Variants in WWOX observed in about 807,000 individuals in gnomAD.
WWOX encodes the protein WW domain-containing oxidoreductase.
A neutral mutation model predicts 46.2 loss-of-function variants in WWOX; 69 were observed. That is an observed-to-expected ratio of 1.49 (90% CI 1.23 to 1.82). WWOX has a LOEUF of 1.82. Among genes scored for constraint, WWOX ranks in the 40% most tolerant of loss-of-function variants. The pLI is 0.00. For missense variants in WWOX, 919 were observed against 542.6 expected (o/e 1.69, Z -6.89); for synonymous variants, 359 against 202.6 (o/e 1.77, Z -6.56).
At chr16:79,160,217 C>G (rs1306442965) in intron 8 of WWOX, among the ~76,000 whole-genome samples, 1 of 152,142 alleles carries the variant, frequency 6.6e-6, no homozygotes, top group East Asian at 1.9e-4. Flanking sequence ...GTGAGAGCTC[C>G]TATGGGAAGA....
intron 8 of WWOX, among the ~76,000 whole-genome samples, chr16:79,170,780 ATT>A (rs2050685578): frequency 6.6e-6 from 1 of 152,010 alleles, no homozygotes; most frequent in South Asian, 2.1e-4. Context: ...CAAGGAGGTA[ATT>A]TGCAAGGTCA....
chr16:78,575,866 A>T (rs1022467474), intron 8 of WWOX, among the ~76,000 whole-genome samples: 2 of 152,068 alleles, frequency 1.3e-5, no homozygotes, highest in South Asian at 2.1e-4. Context: ...TTAAACATGT[A>T]AAAAAATCAA....
At chr16:78,485,185 G>C (rs2084601292) in intron 8 of WWOX, among the ~76,000 whole-genome samples, 1 of 152,054 alleles carries the variant, frequency 6.6e-6, no homozygotes, top group Admixed American at 6.6e-5. Context: ...GTAATTTTAA[G>C]TTCACAGCAA....
At chr16:78,403,567 T>TG (rs1214557956) in intron 6 of WWOX, among the ~76,000 whole-genome samples, 4 of 152,148 alleles carry the variant, frequency 2.6e-5, no homozygotes, top group Non-Finnish European at 5.9e-5. Context: ...ACTTACCAAG[T>TG]GGGTAAAATG....
At chr16:78,891,028 A>C (rs938133523) in intron 8 of WWOX, 6 of 152,202 alleles carry the variant, frequency 3.9e-5, no homozygotes, top group African/African-American at 1.4e-4. Flanking sequence ...TGCCTTTCCT[A>C]AATCCCTCAA....
intron 8 of WWOX, among the ~76,000 whole-genome samples, chr16:78,528,440 GC>G (rs1427082660): frequency 6.6e-6 from 1 of 151,902 alleles, no homozygotes; most frequent in Non-Finnish European, 1.5e-5. Context: ...TATTCAAGGT[GC>G]TAATTAGGGT....
intron 8 of WWOX, among the ~76,000 whole-genome samples, chr16:78,717,927 T>C (rs1169022834): frequency 6.6e-6 from 1 of 152,152 alleles, no homozygotes; most frequent in African/African-American, 2.4e-5. Flanking sequence ...CAACACCAAG[T>C]GTCTTATTGT....
chr16:78,652,554 C>G (rs1288269999), intron 8 of WWOX, among the ~76,000 whole-genome samples: 1 of 152,130 alleles, frequency 6.6e-6, no homozygotes. Context: ...TGACTCACCT[C>G]TCTGGTGCTC....
intron 6 of WWOX, among the ~76,000 whole-genome samples, chr16:78,404,384 G>T (rs984955649): frequency 6.6e-6 from 1 of 151,900 alleles, no homozygotes; most frequent in Non-Finnish European, 1.5e-5. Context: ...TATCCTTCAG[G>T]GGTTTGGGGC....
intron 8 of WWOX, among the ~76,000 whole-genome samples, chr16:78,558,701 C>T (rs547919072): frequency 1.4e-4 from 21 of 152,330 alleles, no homozygotes; most frequent in African/African-American, 4.3e-4. Flanking sequence ...ACTGAGCTGG[C>T]CTCTGCCAGT....
chr16:78,431,509 TC>T (rs1333143253), intron 7 of WWOX, among the ~76,000 whole-genome samples: 4 of 152,166 alleles, frequency 2.6e-5, no homozygotes, highest in African/African-American at 9.7e-5. Flanking sequence ...GTGATATCTT[TC>T]TGTTTCCAAA....
At chr16:78,901,407 G>C (rs186582515) in intron 8 of WWOX, among the ~76,000 whole-genome samples, 1 of 152,176 alleles carries the variant, frequency 6.6e-6, no homozygotes, top group East Asian at 1.9e-4. Context: ...TTTTTTTCCT[G>C]TTCTTTTCCC....
Position 79,011,105 on chromosome 16 carries a change from G to A in WWOX, c.1057-200503G>A, listed in dbSNP as rs1315394456. On this transcript the variant is annotated intron_variant, in intron 8 of 8. Coordinates refer to ENST00000566780, the MANE Select transcript of WWOX (RefSeq NM_016373.4). The stretch of plus-strand genomic sequence containing the variant: ...TGACATGTATCTTTACATATGATAT[G>A]TATGGTTACATATCTACTCACTCAC... Among the ~76,000 whole-genome samples the A allele has an allele frequency of 7.3e-5, 11 of 149,668 alleles. 1 individual carries two copies. In the East Asian group the frequency reaches 9.8e-4, roughly 13 times the overall value.
intron 6 of WWOX, among the ~76,000 whole-genome samples, chr16:78,406,026 A>G (rs565821481): frequency 2.0e-5 from 3 of 152,216 alleles, no homozygotes; most frequent in South Asian, 2.1e-4. Flanking sequence ...CATTCCATCA[A>G]TAGAATGACT....
At chr16:78,207,391 T>C (rs2036427477) in intron 5 of WWOX, among the ~76,000 whole-genome samples, 1 of 152,194 alleles carries the variant, frequency 6.6e-6, no homozygotes, top group South Asian at 2.1e-4. Context: ...CTGATAGATA[T>C]TGCCAAATAT....
At chr16:78,172,099 G>T (rs2035181599) in intron 5 of WWOX, among the ~76,000 whole-genome samples, 1 of 152,162 alleles carries the variant, frequency 6.6e-6, no homozygotes. Flanking sequence ...GCTGGTGTGT[G>T]GGTGATGCCG....
intron 8 of WWOX, among the ~76,000 whole-genome samples, chr16:79,031,927 G>T (rs1567501323): frequency 1.4e-5 from 1 of 70,250 alleles, no homozygotes; most frequent in African/African-American, 3.6e-5. Flanking sequence ...TATATATATA[G>T]ATATCTGTAT....
intron 8 of WWOX, among the ~76,000 whole-genome samples, chr16:78,608,118 A>G (rs1181836177): frequency 6.6e-6 from 1 of 152,156 alleles, no homozygotes; most frequent in African/African-American, 2.4e-5. Flanking sequence ...GCTTTCTCCA[A>G]GCCTGAGAGT....
chr16:78,619,355 C>A (rs1243979740), intron 8 of WWOX, among the ~76,000 whole-genome samples: 2 of 70,568 alleles, frequency 2.8e-5, no homozygotes, highest in Non-Finnish European at 5.7e-5. Context: ...GAGCAAGACG[C>A]CATCTCAAAA....
Sources: allele counts gnomAD v4.1 joint callset (sites outside exome capture counted in the v4.1 genomes callset), GRCh38; gene constraint gnomAD v4.1.1; transcripts MANE v1.5; gene names NCBI Gene and HGNC (gene_info 2026-07-23, HGNC 2026-07-21).